DRC11: variants seen among roughly 807,000 people sequenced by gnomAD.
The protein encoded by DRC11 is IQ and AAA domain-containing protein 1.
the DRC11 span, chr2:236,377,079 ATG>A: frequency 2.9e-6 from 4 of 1,399,118 alleles, no homozygotes; most frequent in Non-Finnish European, 4.1e-6. The surrounding 1 kb of genome is among the most constrained non-coding windows in gnomAD (Gnocchi z 4.9). Context: ...TGACACATAC[ATG>A]TATTATTCTC....
chr2:236,335,769 A>C, the DRC11 span, among the ~76,000 whole-genome samples: 1 of 152,176 alleles, frequency 6.6e-6, no homozygotes, highest in Non-Finnish European at 1.5e-5. This position sits in a 1 kb window ranked among gnomAD's most constrained non-coding sequence, Gnocchi z 5.6. Context: ...AAAAGGAAGA[A>C]AAAAAGAAGA....
chr2:236,421,713 G>T, the DRC11 span, among the ~76,000 whole-genome samples: 1 of 152,148 alleles, frequency 6.6e-6, no homozygotes, highest in Non-Finnish European at 1.5e-5. Context: ...CATTTTATGA[G>T]GCCAGCGTTA....
chr2:236,357,129 C>G, the DRC11 span, among the ~76,000 whole-genome samples: 2 of 97,162 alleles, frequency 2.1e-5, no homozygotes, highest in Non-Finnish European at 4.3e-5. Flanking sequence ...ATTATATATT[C>G]GTATATTATA....
chr2:236,486,213 C>A, the DRC11 span, among the ~76,000 whole-genome samples: 1 of 152,178 alleles, frequency 6.6e-6, no homozygotes, highest in African/African-American at 2.4e-5. This position sits in a 1 kb window ranked among gnomAD's most constrained non-coding sequence, Gnocchi z 5.7. Context: ...ATCCTGCCAG[C>A]AACCACACAA....
At chr2:236,336,015 T>C in the DRC11 span, among the ~76,000 whole-genome samples, 3 of 152,166 alleles carry the variant, frequency 2.0e-5, no homozygotes, top group Non-Finnish European at 4.4e-5. The surrounding 1 kb of genome is among the most constrained non-coding windows in gnomAD (Gnocchi z 7.3). Flanking sequence ...GACTCCTCCA[T>C]CCTGTCTTCC....
chr2:236,451,282 T>C, the DRC11 span, among the ~76,000 whole-genome samples: 5 of 152,078 alleles, frequency 3.3e-5, no homozygotes, highest in South Asian at 1.0e-3. Flanking sequence ...ACCTATAGTA[T>C]TTCTCCATTA....
chr2:236,443,176 A>G, the DRC11 span, among the ~76,000 whole-genome samples: 7 of 152,212 alleles, frequency 4.6e-5, no homozygotes, highest in African/African-American at 1.4e-4. The surrounding 1 kb of genome is among the most constrained non-coding windows in gnomAD (Gnocchi z 4.4). Flanking sequence ...TAAAAGTCGA[A>G]GGAAAAATAA....
chr2:236,407,775 C>T, the DRC11 span: 14 of 300,724 alleles, frequency 4.7e-5, no homozygotes, highest in East Asian at 1.1e-3. Context: ...GTTTTCACTC[C>T]TCATTTTTTT....
chr2:236,314,157 T>C, the DRC11 span, among the ~76,000 whole-genome samples: 7 of 152,166 alleles, frequency 4.6e-5, no homozygotes, highest in East Asian at 1.9e-4. This position sits in a 1 kb window ranked among gnomAD's most constrained non-coding sequence, Gnocchi z 4.5. Flanking sequence ...TTGGGGGAGA[T>C]TGGGCAGCAC....
chr2:236,429,942 G>A, the DRC11 span, among the ~76,000 whole-genome samples: 1 of 152,100 alleles, frequency 6.6e-6, no homozygotes, highest in African/African-American at 2.4e-5. This position sits in a 1 kb window ranked among gnomAD's most constrained non-coding sequence, Gnocchi z 5.9. Flanking sequence ...TATGCTGTTG[G>A]GGTTCATGAT....
the DRC11 span, among the ~76,000 whole-genome samples, chr2:236,439,162 G>C: frequency 6.6e-6 from 1 of 150,632 alleles, no homozygotes; most frequent in African/African-American, 2.4e-5. Flanking sequence ...AAAAGAACTA[G>C]AAAAGCAAGA....
chr2:236,472,320 C>T, the DRC11 span, among the ~76,000 whole-genome samples: 1 of 152,160 alleles, frequency 6.6e-6, no homozygotes, highest in South Asian at 2.1e-4. This position sits in a 1 kb window ranked among gnomAD's most constrained non-coding sequence, Gnocchi z 4.6. Context: ...TCCACAATTC[C>T]CCCCTGCAGC....
the DRC11 span, among the ~76,000 whole-genome samples, chr2:236,438,742 C>G: frequency 6.6e-6 from 1 of 152,030 alleles, no homozygotes; most frequent in South Asian, 2.1e-4. Context: ...CAGAACTCTC[C>G]ACCCCAAATC....
the DRC11 span, among the ~76,000 whole-genome samples, chr2:236,373,037 T>C: frequency 5.6e-3 from 859 of 152,304 alleles, 10 homozygotes; most frequent in African/African-American, 0.02. Flanking sequence ...TCTTTTAATA[T>C]CCTTAATTTC....
At chr2:236,477,217 C>T in the DRC11 span, among the ~76,000 whole-genome samples, 1 of 152,186 alleles carries the variant, frequency 6.6e-6, no homozygotes, top group African/African-American at 2.4e-5. Context: ...CTCCCCAAAA[C>T]TTAACTACTA....
the DRC11 span, among the ~76,000 whole-genome samples, chr2:236,505,761 C>A: frequency 6.6e-6 from 1 of 152,176 alleles, no homozygotes; most frequent in African/African-American, 2.4e-5. Flanking sequence ...GCCAGCACCC[C>A]CTGGATCCCA....
At chr2:236,420,083 C>T in the DRC11 span, among the ~76,000 whole-genome samples, 9 of 152,184 alleles carry the variant, frequency 5.9e-5, no homozygotes, top group Admixed American at 1.3e-4. This position sits in a 1 kb window ranked among gnomAD's most constrained non-coding sequence, Gnocchi z 4.8. Context: ...CCAGCATCTC[C>T]GTACATAGCA....
the DRC11 span, among the ~76,000 whole-genome samples, chr2:236,469,359 C>A: frequency 3.3e-5 from 5 of 152,274 alleles, no homozygotes; most frequent in East Asian, 9.6e-4. The surrounding 1 kb of genome is among the most constrained non-coding windows in gnomAD (Gnocchi z 5.8). Flanking sequence ...GAGTGCACCA[C>A]CATGCCCAGC....
the DRC11 span, chr2:236,380,620 CCTTT>C: frequency 1.3e-6 from 2 of 1,550,466 alleles, no homozygotes; most frequent in Non-Finnish European, 1.7e-6. This position sits in a 1 kb window ranked among gnomAD's most constrained non-coding sequence, Gnocchi z 4.9. Flanking sequence ...TTTCTTTTTG[CCTTT>C]CTTTCCTTTC....
Sources: allele counts gnomAD v4.1 joint callset (sites outside exome capture counted in the v4.1 genomes callset), GRCh38; gene constraint gnomAD v4.1.1; non-coding constraint Gnocchi (gnomAD v3.1); transcripts MANE v1.5; gene names NCBI Gene and HGNC (gene_info 2026-07-23, HGNC 2026-07-21).